The following NAALADL2 variants were observed in gnomAD, a reference collection of about 807,000 sequenced individuals.
The protein encoded by NAALADL2 is inactive N-acetylated-alpha-linked acidic dipeptidase-like protein 2.
A neutral mutation model predicts 87.2 loss-of-function variants in NAALADL2; 76 were observed. That is an observed-to-expected ratio of 0.87 (90% CI 0.72 to 1.05). The LOEUF is 1.05. NAALADL2 is among the 50% of genes least tolerant of loss of function. The probability of loss-of-function intolerance (pLI) is 0.00; values close to 1 mark genes in which losing one functional copy is unlikely to be tolerated. For synonymous variants in NAALADL2, 354 were observed against 331.0 expected, an observed-to-expected ratio of 1.07 and a Z score of -0.75; for missense variants, 1,089 against 945.8, an observed-to-expected ratio of 1.15 and a Z score of -1.99.
chr3:174,982,636 G>A (rs780984885), intron 1 of NAALADL2, among the ~76,000 whole-genome samples: 8 of 152,062 alleles, frequency 5.3e-5, no homozygotes, highest in Admixed American at 1.3e-4. Context: ...ACTATATAAC[G>A]TAAGTAAATT....
At chr3:175,776,675 T>C (rs1750287090) in intron 13 of NAALADL2, among the ~76,000 whole-genome samples, 1 of 152,154 alleles carries the variant, frequency 6.6e-6, no homozygotes, top group Non-Finnish European at 1.5e-5. Context: ...ATAAAAATTC[T>C]TCAAGAAATT....
At position 175,424,376 on chromosome 3, in the gene NAALADL2, G is replaced by A. The variant is rs1029799353; in HGVS notation, c.1091-22853G>A. On this transcript the variant is annotated intron_variant, in intron 5 of 13. Coordinates refer to ENST00000454872, the MANE Select transcript of NAALADL2 (RefSeq NM_207015.3). ...GGTATTGCCTAGGTTTTCTTCTAGGGTTTTTATGGTTTTAGGTCTAACATG... is the reference window on the plus strand; with the variant it reads ...GGTATTGCCTAGGTTTTCTTCTAGGATTTTTATGGTTTTAGGTCTAACATG... 2.0e-5 allele frequency among the ~76,000 whole-genome samples: 3 copies of A among 152,064 alleles called. No homozygotes were observed. The East Asian group carries it at 5.8e-4, about 29-fold the overall frequency.
At chr3:175,515,147 C>A (rs1731664883) in intron 9 of NAALADL2, among the ~76,000 whole-genome samples, 1 of 152,160 alleles carries the variant, frequency 6.6e-6, no homozygotes, top group Non-Finnish European at 1.5e-5. Flanking sequence ...TTCTTCAAAT[C>A]ATGTAAGTTC....
chr3:174,566,035 G>A (rs948012495), intron 2 of NAALADL2, among the ~76,000 whole-genome samples: 2 of 151,538 alleles, frequency 1.3e-5, no homozygotes, highest in African/African-American at 4.8e-5. Flanking sequence ...TGCATGTCTT[G>A]TTTTTTATTC....
At chr3:175,493,084 T>G (rs1401749138) in intron 9 of NAALADL2, among the ~76,000 whole-genome samples, 2 of 152,216 alleles carry the variant, frequency 1.3e-5, no homozygotes, top group Non-Finnish European at 2.9e-5. Context: ...TAAATATGTA[T>G]GTATTTATAC....
intron 11 of NAALADL2, among the ~76,000 whole-genome samples, chr3:175,656,721 ATGTG>A (rs373183644): frequency 6.7e-6 from 1 of 148,546 alleles, no homozygotes; most frequent in African/African-American, 2.5e-5. Flanking sequence ...GTGTGTGTGT[ATGTG>A]TGTGTGTGTG....
At chr3:174,669,264 G>GT (rs1241108150) in intron 2 of NAALADL2, among the ~76,000 whole-genome samples, 1 of 50,902 alleles carries the variant, frequency 2.0e-5, no homozygotes, top group South Asian at 4.8e-4. Flanking sequence ...TTTTGATGGG[G>GT]TTTTTTTTTC....
intron 10 of NAALADL2, among the ~76,000 whole-genome samples, chr3:175,585,163 T>TA (rs1193998092): frequency 6.6e-6 from 1 of 151,824 alleles, no homozygotes; most frequent in Non-Finnish European, 1.5e-5. Context: ...TTATTTACTT[T>TA]AAAAAATTTT....
chr3:175,488,795 G>A (rs949942559), intron 9 of NAALADL2, among the ~76,000 whole-genome samples: 6 of 152,232 alleles, frequency 3.9e-5, no homozygotes, highest in Admixed American at 1.3e-4. Context: ...ACTTAGACCA[G>A]AATCCCTTCC....
chr3:175,031,079 A>G (rs987139028), intron 1 of NAALADL2, among the ~76,000 whole-genome samples: 2 of 152,114 alleles, frequency 1.3e-5, no homozygotes, highest in Non-Finnish European at 2.9e-5. Context: ...ACTGTTAAAT[A>G]CATTAGAACA....
intron 2 of NAALADL2, among the ~76,000 whole-genome samples, chr3:175,181,703 A>ATATATATATATG (rs1227887005): frequency 1.9e-5 from 2 of 106,844 alleles, no homozygotes; most frequent in African/African-American, 7.7e-5. Flanking sequence ...ATATATATAT[A>ATATATATATATG]TGTGTGTGTG....
At position 175,206,632 on chromosome 3, in the gene NAALADL2, C is replaced by T. The variant is rs115883521; in HGVS notation, c.546-27299C>T. 2.9e-4 allele frequency among the ~76,000 whole-genome samples: 44 copies of T among 151,892 alleles called. 1 individual carries two copies. Among genetic ancestry groups the T allele is most frequent in the African/African-American group, 1.0e-3 (42 of 41,408 alleles). Reference sequence around the variant, plus strand: ...GTATACTGCTCGGGTGATGGTTACACCAAAATCTCACAAATCACCACTAAA... The same window carrying T: ...GTATACTGCTCGGGTGATGGTTACATCAAAATCTCACAAATCACCACTAAA... On this transcript the variant is annotated intron_variant, in intron 2 of 13. Coordinates refer to ENST00000454872, the MANE Select transcript of NAALADL2 (RefSeq NM_207015.3).
intron 1 of NAALADL2, among the ~76,000 whole-genome samples, chr3:174,469,320 T>G (rs907111148): frequency 8.7e-5 from 13 of 150,256 alleles, no homozygotes; most frequent in South Asian, 2.1e-4. Context: ...TGCAGTGGTG[T>G]GATCTCGGCT....
intron 9 of NAALADL2, among the ~76,000 whole-genome samples, chr3:175,544,060 A>C (rs1712851365): frequency 6.6e-6 from 1 of 152,104 alleles, no homozygotes; most frequent in Non-Finnish European, 1.5e-5. Context: ...GTAGTTTTCA[A>C]AAAACCAAGG....
intron 12 of NAALADL2, among the ~76,000 whole-genome samples, chr3:175,745,962 C>T (rs1745865210): frequency 6.6e-6 from 1 of 152,048 alleles, no homozygotes; most frequent in Non-Finnish European, 1.5e-5. Context: ...CTTCATATGA[C>T]CAAATAAAGT....
chr3:175,248,646 T>C (rs1748450423), intron 3 of NAALADL2, among the ~76,000 whole-genome samples: 1 of 152,180 alleles, frequency 6.6e-6, no homozygotes, highest in Non-Finnish European at 1.5e-5. Context: ...ATTTAGTTCC[T>C]ACTGTGTGCC....
chr3:175,741,930 T>C (rs975061299), intron 12 of NAALADL2, among the ~76,000 whole-genome samples: 3 of 152,204 alleles, frequency 2.0e-5, no homozygotes, highest in African/African-American at 7.2e-5. Flanking sequence ...GTAATATATG[T>C]ACATTGGTTT....
chr3:175,723,913 T>C (rs2150042065), intron 11 of NAALADL2, among the ~76,000 whole-genome samples: 1 of 152,184 alleles, frequency 6.6e-6, no homozygotes, highest in East Asian at 1.9e-4. Flanking sequence ...AATTGAACTG[T>C]CCCCCAAGAA....
At chr3:175,005,125 A>C (rs1307332184) in intron 1 of NAALADL2, among the ~76,000 whole-genome samples, 1 of 152,194 alleles carries the variant, frequency 6.6e-6, no homozygotes, top group Non-Finnish European at 1.5e-5. Flanking sequence ...TGTTTTCACT[A>C]TATGCCCGGC....
Sources: allele counts gnomAD v4.1 joint callset (sites outside exome capture counted in the v4.1 genomes callset), GRCh38; gene constraint gnomAD v4.1.1; transcripts MANE v1.5; gene names NCBI Gene and HGNC (gene_info 2026-07-23, HGNC 2026-07-21).